SPNS2: variants seen among roughly 807,000 people sequenced by gnomAD.
The protein encoded by SPNS2 is SPNS lysolipid transporter 2, sphingosine-1-phosphate.
Under a neutral mutation model 57.6 loss-of-function variants are expected in SPNS2, and 37 were observed. The observed-to-expected ratio is 0.64, with a 90% confidence interval of 0.49 to 0.85. The LOEUF (loss-of-function observed/expected upper bound fraction) is 0.85. Among genes scored for constraint, SPNS2 ranks in the 40% least tolerant of loss-of-function variants. The pLI is 0.00. For missense variants in SPNS2, 831 were observed against 779.1 expected (o/e 1.07, Z -0.79); for synonymous variants, 440 against 346.9 (o/e 1.27, Z -2.98).
In SPNS2 at chr17:4,499,210, G is replaced by A. The variant is rs1392009637; in HGVS notation, c.163G>A (p.Asp55Asn). ...CGGCGCTGGAGTCTCGGCCGCGGGC[G>A]ATGAGGTGCAGACGCTGTCGGGCAG... ...AGGAGVSAAGDEVQTLSGSVR... is the reference protein window; with the variant it reads ...AGGAGVSAAGNEVQTLSGSVR... Residue 55 changes from aspartate (D) to asparagine (N), a missense_variant, in exon 1 of 13, where the codon GAT becomes AAT. Asp to Asn is a conservative substitution (Grantham distance 23). Transcript: ENST00000329078. The surrounding 1 kb of genome is among the most constrained non-coding windows in gnomAD (Gnocchi z 5.2). The A allele has an allele frequency of 1.5e-5, 21 of 1,408,658 alleles. No individual in the cohort carries two copies. The highest frequency in any genetic ancestry group is 1.3e-5 in the Non-Finnish European group (14 of 1,083,148). 87.3% of individuals were successfully genotyped at this position (1,408,658 alleles called of 1,614,324 possible).
At chr17:4,508,269 C>G (rs1904733797) in intron 1 of SPNS2, among the ~76,000 whole-genome samples, 1 of 152,212 alleles carries the variant, frequency 6.6e-6, no homozygotes, top group Non-Finnish European at 1.5e-5. Flanking sequence ...GGGCGGCCTA[C>G]AGCCTGTGAT....
At chr17:4,509,981 G>A (rs1288938053) in intron 1 of SPNS2, among the ~76,000 whole-genome samples, 2 of 152,222 alleles carry the variant, frequency 1.3e-5, no homozygotes, top group African/African-American at 4.8e-5. Flanking sequence ...CCAGGAAAGA[G>A]GCTAAAAATA....
chr17:4,504,340 A>G (rs1208524132), intron 1 of SPNS2, among the ~76,000 whole-genome samples: 2 of 152,206 alleles, frequency 1.3e-5, no homozygotes, highest in Admixed American at 1.3e-4. Context: ...CCTGCTGCCC[A>G]CTTCCTTGCT....
intron 11 of SPNS2, 144 bp downstream of exon 11, chr17:4,536,570 C>A: frequency 1.9e-6 from 2 of 1,068,070 alleles, no homozygotes; most frequent in Non-Finnish European, 2.6e-6. Flanking sequence ...GGGGTCCAGC[C>A]CTGAGGCCCA....
rs1056590592 is a variant in SPNS2 at position 4,536,167 on chromosome 17, T to C, written c.1436T>C (p.Ile479Thr). Residue 479 changes from isoleucine to threonine, a missense_variant, in exon 10 of 13, where the codon ATT becomes ACT. Physicochemically the swap from Ile to Thr is moderately conservative, Grantham distance 89. This residue lies in a region of SPNS2 where 526 missense variants were observed against 400.9 expected (regional missense o/e 1.31). Transcript: ENST00000329078. ...GGGGACGCCGGGAGCCCCTACCTCA[T>C]TGGCTTTGTGAGTAGCCCCGGGGTG... Reference protein sequence around the residue: ...LLGDAGSPYLIGFISDLIRQS... With the variant: ...LLGDAGSPYLTGFISDLIRQS... 4.3e-6 allele frequency: 7 copies of C among 1,611,758 alleles called. No individual in the cohort carries two copies. In the African/African-American group the frequency reaches 5.3e-5, roughly 12 times the overall value.
Position 4,498,930 on chromosome 17 carries a change from G to A in SPNS2, c.-118G>A, listed in dbSNP as rs933636135. ...CCGCAGCCGGGGCCGGAGCGCAGGA[G>A]CCGACGGGGCCCGACCAGGATGGTG... On this transcript the variant is annotated 5_prime_UTR_variant, in exon 1 of 13. Transcript: ENST00000329078. The A allele has an allele frequency of 2.3e-5, 12 of 533,022 alleles. No homozygotes were observed. The highest frequency in any genetic ancestry group is 1.2e-4 in the African/African-American group (6 of 48,152). The allele number at this position is 533,022 out of a possible 1,614,324, so 33.0% of individuals were successfully genotyped here.
rs370958771 is a variant in SPNS2, at chr17:4,536,960, G to T, written c.*4+14G>T. The T allele has an allele frequency of 6.2e-6, 10 of 1,611,652 alleles. No homozygotes were observed. In the East Asian group the frequency reaches 6.7e-5, roughly 11 times the overall value. ...AAGTCTGAGGTGGTGAGTGCAGGCC[G>T]GGAGGCACGTGGGGGCTCCCTAAGG... On this transcript the variant is annotated intron_variant, in intron 12 of 12. Transcript: ENST00000329078.
intron 2 of SPNS2, among the ~76,000 whole-genome samples, chr17:4,516,964 T>C (rs966547700): frequency 2.6e-5 from 4 of 152,174 alleles, no homozygotes; most frequent in Admixed American, 1.3e-4. Context: ...TAAAAAGTAG[T>C]GAGAATGGCG....
At chr17:4,523,424 G>T (rs759901094) in intron 2 of SPNS2, among the ~76,000 whole-genome samples, 9 of 151,976 alleles carry the variant, frequency 5.9e-5, no homozygotes, top group Non-Finnish European at 1.2e-4. Flanking sequence ...CTGAGCAACG[G>T]AGCAAGACAC....
intron 8 of SPNS2, 112 bp from the exon 9 acceptor site, chr17:4,533,676 G>T (rs905434998): frequency 1.0e-5 from 13 of 1,255,052 alleles, no homozygotes; most frequent in Non-Finnish European, 1.4e-5. Context: ...GGGCCCGGGA[G>T]GGGTGTGAGG....
At chr17:4,533,612 G>A (rs1336642794) in intron 8 of SPNS2, 176 bp from the exon 9 acceptor site, 2 of 982,864 alleles carry the variant, frequency 2.0e-6, no homozygotes, top group Non-Finnish European at 3.0e-6. Context: ...GCCTCTGGGT[G>A]CCTCAGGGCC....
At chr17:4,525,655 CAA>C (rs920885441) in intron 3 of SPNS2, among the ~76,000 whole-genome samples, 1 of 152,254 alleles carries the variant, frequency 6.6e-6, no homozygotes, top group African/African-American at 2.4e-5. Flanking sequence ...TCAACACAAA[CAA>C]GAGTCTTCTC....
intron 4 of SPNS2, 98 bp downstream of exon 4, chr17:4,530,881 C>T (rs933138586): frequency 3.7e-5 from 55 of 1,504,796 alleles, no homozygotes; most frequent in South Asian, 8.8e-5. Flanking sequence ...CCCAGGCAGG[C>T]GTCCTCAGAG....
chr17:4,515,831 G>C (rs1460328396), intron 2 of SPNS2, among the ~76,000 whole-genome samples: 1 of 152,218 alleles, frequency 6.6e-6, no homozygotes, highest in Non-Finnish European at 1.5e-5. Flanking sequence ...GACAGGGAGT[G>C]GGGGTGGCTG....
intron 3 of SPNS2, among the ~76,000 whole-genome samples, chr17:4,530,052 C>G (rs567882223): frequency 6.6e-6 from 1 of 152,180 alleles, no homozygotes; most frequent in African/African-American, 2.4e-5. Flanking sequence ...GGTCATGCTA[C>G]CAGCAGCTGG....
intron 10 of SPNS2, 40 bp from the exon 11 acceptor site, chr17:4,536,223 G>A: frequency 1.9e-6 from 3 of 1,608,982 alleles, no homozygotes; most frequent in Non-Finnish European, 2.5e-6. Context: ...GGGGACTGCA[G>A]GAGGGCTCTG....
At chr17:4,524,494 G>C (rs1905216551) in intron 2 of SPNS2, among the ~76,000 whole-genome samples, 1 of 152,202 alleles carries the variant, frequency 6.6e-6, no homozygotes, top group African/African-American at 2.4e-5. Context: ...AGACTAGCCT[G>C]GCCAACATGG....
At position 4,511,618 on chromosome 17, in the gene SPNS2, C is replaced by T; in HGVS notation, c.371-1629C>T. On this transcript the variant is annotated intron_variant, in intron 1 of 12. Coordinates refer to ENST00000329078, the MANE Select transcript of SPNS2 (RefSeq NM_001124758.3). This position sits in a 1 kb window ranked among gnomAD's most constrained non-coding sequence, Gnocchi z 4.6. ...CTTGCTGGCTCTGCCATCCACAGGCCTAGGATTGGCCCCGGCTTCTACCTT... is the reference window on the plus strand; with the variant it reads ...CTTGCTGGCTCTGCCATCCACAGGCTTAGGATTGGCCCCGGCTTCTACCTT... Among the ~76,000 whole-genome samples, 1 of 152,188 alleles carries T rather than the reference C, an allele frequency of 6.6e-6. No individual in the cohort carries two copies. Among genetic ancestry groups the T allele is most frequent in the East Asian group, 1.9e-4 (1 of 5,206 alleles).
At chr17:4,517,751 G>C (rs1489181796) in intron 2 of SPNS2, among the ~76,000 whole-genome samples, 3 of 152,162 alleles carry the variant, frequency 2.0e-5, no homozygotes, top group Admixed American at 1.3e-4. Context: ...CGTCACAAAG[G>C]GACTTTAAAA....
Sources: gnomAD v4.1 joint callset for allele counts (sites outside exome capture counted in the v4.1 genomes callset) on GRCh38, gnomAD v4.1.1 for gene constraint, gnomAD v4.1.1 regional missense constraint, Gnocchi (gnomAD v3.1) non-coding constraint, MANE v1.5 for transcripts, NCBI Gene and HGNC (gene_info 2026-07-23, HGNC 2026-07-21) for gene names.